Variants in STK4 observed in about 807,000 individuals in gnomAD.
STK4 encodes the protein serine/threonine-protein kinase 4.
STK4 carries 30 observed loss-of-function variants against 64.9 expected under a neutral mutation model. The observed-to-expected ratio is 0.46, with a 90% CI of 0.35 to 0.63. The LOEUF (loss-of-function observed/expected upper bound fraction) is 0.63. STK4 is among the 20% of genes least tolerant of loss of function. The pLI is 0.01. For synonymous variants in STK4, 177 were observed against 199.0 expected, an observed-to-expected ratio of 0.89 and a Z score of 0.93; for missense variants, 466 against 598.5, an observed-to-expected ratio of 0.78 and a Z score of 2.31.
chr20:44,982,997 G>A (rs969811822), intron 4 of STK4, among the ~76,000 whole-genome samples: 2 of 152,176 alleles, frequency 1.3e-5, no homozygotes, highest in African/African-American at 4.8e-5. Flanking sequence ...AAGTGGTGAC[G>A]TTTACAGGAA....
At chr20:45,010,574 A>G (rs1416932787) in intron 9 of STK4, among the ~76,000 whole-genome samples, 3 of 152,226 alleles carry the variant, frequency 2.0e-5, no homozygotes, top group Admixed American at 2.0e-4. Context: ...ACCCAGTTGC[A>G]GAGATTAAGT....
intron 10 of STK4, among the ~76,000 whole-genome samples, chr20:45,056,522 T>C (rs1978495969): frequency 6.6e-6 from 1 of 152,210 alleles, no homozygotes; most frequent in Admixed American, 6.5e-5. Flanking sequence ...AAAATGAGAG[T>C]ATTTTAATTC....
rs1003893360 is a variant in STK4 at position 45,007,561 on chromosome 20, C to CA, written c.1147+6216dup. Among the ~76,000 whole-genome samples the CA allele has an allele frequency of 1.1e-3, 167 of 149,890 alleles. 4 individuals carry two copies. The South Asian group carries it at 0.011, about 10-fold the overall frequency. On this transcript the variant is annotated intron_variant, in intron 9 of 10. Coordinates refer to ENST00000372806, the MANE Select transcript of STK4 (RefSeq NM_006282.5). ...GACTCCATCTCAAAAAACAAACAAACAAAAAAAAGAAAGCACTTCAGAGTC... is the reference window on the plus strand; with the variant it reads ...GACTCCATCTCAAAAAACAAACAAACAAAAAAAAAGAAAGCACTTCAGAGTC...
At chr20:45,026,503 G>C (rs1313820181) in intron 10 of STK4, among the ~76,000 whole-genome samples, 7 of 152,082 alleles carry the variant, frequency 4.6e-5, no homozygotes. Flanking sequence ...TATGTTTACA[G>C]AACAACGAAG....
rs371237761 is a variant in STK4, at chr20:44,988,523, A to ATGTGTGTG, written c.525+1231_525+1238dup. Among the ~76,000 whole-genome samples the ATGTGTGTG allele has an allele frequency of 2.9e-3, 315 of 108,544 alleles. 8 individuals carry two copies. The highest frequency in any genetic ancestry group is 0.011 in the African/African-American group (270 of 23,830). 71.2% of individuals were successfully genotyped at this position (108,544 alleles called of 152,430 possible). ...TGTATGTATGTGTGTGTGTATATAT[A>ATGTGTGTG]TGTGTGTGTGTATATATATATATAT... On this transcript the variant is annotated intron_variant, in intron 5 of 10. Coordinates refer to ENST00000372806, the MANE Select transcript of STK4 (RefSeq NM_006282.5).
chr20:44,978,319 C>A, intron 2 of STK4, 124 bp from the exon 3 acceptor site: 1 of 1,156,968 alleles, frequency 8.6e-7, no homozygotes, highest in Non-Finnish European at 1.2e-6. Flanking sequence ...CTTAGTTTTG[C>A]AAGTGTATAT....
intron 9 of STK4, among the ~76,000 whole-genome samples, chr20:45,005,544 AG>A (rs2067923379): frequency 6.7e-6 from 1 of 148,444 alleles, no homozygotes; most frequent in East Asian, 2.1e-4. Context: ...GCTACTCGGG[AG>A]GCTAAGGCAG....
chr20:44,977,848 GTAT>G (rs2067366266), intron 2 of STK4, among the ~76,000 whole-genome samples: 1 of 152,190 alleles, frequency 6.6e-6, no homozygotes, highest in African/African-American at 2.4e-5. Context: ...AATATTTTAA[GTAT>G]TATTGTAAGT....
At chr20:45,027,719 C>G (rs938348108) in intron 10 of STK4, among the ~76,000 whole-genome samples, 7 of 152,118 alleles carry the variant, frequency 4.6e-5, no homozygotes, top group Admixed American at 4.6e-4. Context: ...TTCCTTCTCT[C>G]TGACATATTT....
At chr20:45,065,183 A>G (rs985928006) in intron 10 of STK4, among the ~76,000 whole-genome samples, 4 of 152,036 alleles carry the variant, frequency 2.6e-5, no homozygotes, top group African/African-American at 9.7e-5. Flanking sequence ...TTGCATCAAA[A>G]GCCTTTTCTG....
intron 10 of STK4, among the ~76,000 whole-genome samples, chr20:45,057,191 G>A (rs1023130261): frequency 1.3e-5 from 2 of 152,180 alleles, no homozygotes; most frequent in African/African-American, 2.4e-5. Flanking sequence ...CCACAGTGTC[G>A]ATGGTCCTCA....
At chr20:44,966,983 A>T (rs1051790455) in intron 1 of STK4, among the ~76,000 whole-genome samples, 25 of 152,050 alleles carry the variant, frequency 1.6e-4, no homozygotes, top group Non-Finnish European at 2.5e-4. Context: ...AAGGGGGTGG[A>T]TCGAGAACTG....
At chr20:44,984,576 C>T (rs181100540) in intron 4 of STK4, among the ~76,000 whole-genome samples, 32 of 152,232 alleles carry the variant, frequency 2.1e-4, no homozygotes, top group Admixed American at 1.8e-3. Flanking sequence ...GTGATATCCA[C>T]TAGCCGCATG....
intron 9 of STK4, among the ~76,000 whole-genome samples, chr20:45,010,975 T>C (rs1195879089): frequency 6.6e-6 from 1 of 152,108 alleles, no homozygotes; most frequent in African/African-American, 2.4e-5. Context: ...AGAGAAGGGA[T>C]TAAGGTGGGA....
At chr20:45,026,599 CT>C (rs533296324) in intron 10 of STK4, among the ~76,000 whole-genome samples, 25 of 151,960 alleles carry the variant, frequency 1.6e-4, no homozygotes, top group Admixed American at 7.9e-4. Context: ...TAATGCAGGG[CT>C]TTTTGTGTAA....
At chr20:45,067,649 G>A (rs1979695704) in intron 10 of STK4, among the ~76,000 whole-genome samples, 1 of 152,226 alleles carries the variant, frequency 6.6e-6, no homozygotes, top group Non-Finnish European at 1.5e-5. Flanking sequence ...AATTGTCAGT[G>A]TAATTCCTTT....
chr20:45,037,943 A>G (rs924594576), intron 10 of STK4, among the ~76,000 whole-genome samples: 1 of 152,174 alleles, frequency 6.6e-6, no homozygotes, highest in Non-Finnish European at 1.5e-5. Context: ...TTATTTGCCT[A>G]CGCTTAAGTC....
At chr20:45,035,189 A>G (rs1171143836) in intron 10 of STK4, among the ~76,000 whole-genome samples, 1 of 152,176 alleles carries the variant, frequency 6.6e-6, no homozygotes, top group Admixed American at 6.5e-5. Flanking sequence ...ATAGATAAAA[A>G]AAGACAGGAT....
intron 9 of STK4, among the ~76,000 whole-genome samples, chr20:45,020,690 G>T (rs2068231371): frequency 6.6e-6 from 1 of 152,100 alleles, no homozygotes; most frequent in African/African-American, 2.4e-5. Context: ...GTCAGCTGGT[G>T]CAATAACAGC....
Sources: gnomAD v4.1 joint callset for allele counts (sites outside exome capture counted in the v4.1 genomes callset) on GRCh38, gnomAD v4.1.1 for gene constraint, MANE v1.5 for transcripts, NCBI Gene and HGNC (gene_info 2026-07-23, HGNC 2026-07-21) for gene names.